The following KIAA0232 variants were observed in gnomAD, a reference collection of about 807,000 sequenced individuals.
KIAA0232 encodes the protein KIAA0232.
A neutral mutation model predicts 122.0 loss-of-function variants in KIAA0232; 27 were observed. The observed-to-expected ratio is 0.22, with a 90% CI of 0.16 to 0.31. The LOEUF is 0.31. KIAA0232 is among the 10% of genes least tolerant of loss of function. The pLI is 1.00. For synonymous variants in KIAA0232, 613 were observed against 587.6 expected, an observed-to-expected ratio of 1.04 and a Z score of -0.63; for missense variants, 1,551 against 1,634.2, an observed-to-expected ratio of 0.95 and a Z score of 0.88.
chr4:6,804,830 A>G lies in KIAA0232; in HGVS notation c.-270+224A>G, dbSNP rs548385550. 3.9e-5 allele frequency among the ~76,000 whole-genome samples: 6 copies of G among 152,356 alleles called. No individual in the cohort carries two copies. In the South Asian group the frequency reaches 6.2e-4, roughly 16 times the overall value. ...ATGAAAACCTCAGGTCAGGTGATCT[A>G]TGCCTTGCTTATATTAATAACTTGG... On this transcript the variant is annotated intron_variant, in intron 2 of 9. Transcript: ENST00000307659.
intron 3 of KIAA0232, among the ~76,000 whole-genome samples, chr4:6,835,604 C>G (rs1194648602): frequency 6.6e-6 from 1 of 152,204 alleles, no homozygotes; most frequent in Non-Finnish European, 1.5e-5. Flanking sequence ...TCTCCTAACG[C>G]TATCCCTCCC....
intron 4 of KIAA0232, among the ~76,000 whole-genome samples, chr4:6,854,107 A>G (rs1444321516): frequency 6.6e-6 from 1 of 152,216 alleles, no homozygotes; most frequent in Non-Finnish European, 1.5e-5. Context: ...AAATCATAGC[A>G]AAAATTAAAG....
At position 6,824,298 on chromosome 4, in the gene KIAA0232, T is replaced by G; in HGVS notation, c.-156T>G. Reference sequence around the variant, plus strand: ...ATTAGTCATGCCTGAAGAGGGAAAGTCTGTTTTAGGTGGCTGACTACCAGC... The same window carrying G: ...ATTAGTCATGCCTGAAGAGGGAAAGGCTGTTTTAGGTGGCTGACTACCAGC... On this transcript the variant is annotated 5_prime_UTR_variant, in exon 3 of 10. Coordinates refer to ENST00000307659, the MANE Select transcript of KIAA0232 (RefSeq NM_014743.3). 1.5e-6 allele frequency: 1 copy of G among 651,634 alleles called. No homozygotes were observed. Among genetic ancestry groups the G allele is most frequent in the Non-Finnish European group, 2.8e-6 (1 of 361,332 alleles). The allele number at this position is 651,634 out of a possible 1,614,324, so 40.4% of individuals were successfully genotyped here.
chr4:6,794,196 G>A (rs1354502353), intron 1 of KIAA0232, among the ~76,000 whole-genome samples: 1 of 152,222 alleles, frequency 6.6e-6, no homozygotes, highest in Non-Finnish European at 1.5e-5. Flanking sequence ...TCACTGTACA[G>A]TTCTGAGAAA....
chr4:6,788,913 T>G (rs1487219078), intron 1 of KIAA0232, among the ~76,000 whole-genome samples: 2 of 152,172 alleles, frequency 1.3e-5, no homozygotes, highest in African/African-American at 4.8e-5. Context: ...ATTATGACAG[T>G]GTTCACATAT....
intron 3 of KIAA0232, among the ~76,000 whole-genome samples, chr4:6,840,503 C>G (rs1719588008): frequency 6.6e-6 from 1 of 152,146 alleles, no homozygotes; most frequent in Non-Finnish European, 1.5e-5. Context: ...TTCCCAATCT[C>G]CCTTTTGATA....
chr4:6,857,322 A>G lies in KIAA0232; in HGVS notation c.436+92A>G, dbSNP rs920416876. The G allele has an allele frequency of 1.0e-5, 11 of 1,092,712 alleles. 1 individual carries two copies. In the South Asian group the frequency reaches 1.1e-4, roughly 11 times the overall value. The allele number at this position is 1,092,712 out of a possible 1,614,324, so 67.7% of individuals were successfully genotyped here. A position where few individuals can be genotyped will look rare whatever the true frequency, so the allele number is the denominator to read the frequency against. On this transcript the variant is annotated intron_variant, in intron 5 of 9. Coordinates refer to ENST00000307659, the MANE Select transcript of KIAA0232 (RefSeq NM_014743.3). Reference sequence around the variant, plus strand: ...AATCTTAGAATTGATCAGAAAAGAAAACAACCAGAACAAAGTCTTTGTGTC... The same window carrying G: ...AATCTTAGAATTGATCAGAAAAGAAGACAACCAGAACAAAGTCTTTGTGTC...
intron 8 of KIAA0232, among the ~76,000 whole-genome samples, chr4:6,875,217 C>CA (rs1479444781): frequency 2.6e-5 from 4 of 152,252 alleles, no homozygotes; most frequent in Non-Finnish European, 5.9e-5. Context: ...GTCATGGGTG[C>CA]AATGTGTGTG....
chr4:6,846,105 A>C (rs1719950910), intron 4 of KIAA0232, among the ~76,000 whole-genome samples: 1 of 151,896 alleles, frequency 6.6e-6, no homozygotes, highest in Admixed American at 6.5e-5. Flanking sequence ...TTATTTAAAA[A>C]AAAAAAGATT....
intron 2 of KIAA0232, among the ~76,000 whole-genome samples, chr4:6,815,212 GC>G (rs1215721117): frequency 2.0e-5 from 3 of 152,162 alleles, no homozygotes; most frequent in Non-Finnish European, 2.9e-5. Flanking sequence ...TCCTCATCAT[GC>G]CAGGTGAATA....
chr4:6,850,494 T>C (rs1393648246), intron 4 of KIAA0232, among the ~76,000 whole-genome samples: 1 of 152,210 alleles, frequency 6.6e-6, no homozygotes, highest in African/African-American at 2.4e-5. Context: ...GTAACTTCTT[T>C]TAGTTAAAAA....
rs369071966 is a variant in KIAA0232, at chr4:6,880,945, C to G, written c.4167C>G (p.Leu1389=). Reference sequence around the variant, plus strand: ...GGGTGGGCCCTAGTGAAGAGGAGCTCTTTTCTCGAACTCATCTCTAAACCT... The same window carrying G: ...GGGTGGGCCCTAGTGAAGAGGAGCTGTTTTCTCGAACTCATCTCTAAACCT... ...GEWVGPSEEE[L]FSRTHL Residue 1389 remains leucine (L), a synonymous_variant, in exon 10 of 10, where the codon CTC becomes CTG. Coordinates refer to ENST00000307659, the MANE Select transcript of KIAA0232 (RefSeq NM_014743.3). 61 of 1,567,006 alleles carry G rather than the reference C, an allele frequency of 3.9e-5. No homozygotes were observed. The highest frequency in any genetic ancestry group is 5.1e-5 in the Non-Finnish European group (59 of 1,155,906).
chr4:6,828,907 A>C (rs959524050), intron 3 of KIAA0232, among the ~76,000 whole-genome samples: 3 of 152,122 alleles, frequency 2.0e-5, no homozygotes, highest in African/African-American at 7.2e-5. Context: ...GCATTGATGA[A>C]ACTTTATTGT....
chr4:6,822,329 A>C (rs1366689015), intron 2 of KIAA0232, among the ~76,000 whole-genome samples: 1 of 152,228 alleles, frequency 6.6e-6, no homozygotes, highest in African/African-American at 2.4e-5. Flanking sequence ...TTAGTAACTT[A>C]GTCCTGCGGT....
intron 1 of KIAA0232, among the ~76,000 whole-genome samples, chr4:6,789,299 A>T: frequency 8.3e-6 from 1 of 120,726 alleles, no homozygotes; most frequent in South Asian, 2.7e-4. Context: ...CCCGAGACTG[A>T]GTTTTACTCT....
At chr4:6,864,587 A>G (rs1340893871) in intron 7 of KIAA0232, among the ~76,000 whole-genome samples, 3 of 151,842 alleles carry the variant, frequency 2.0e-5, no homozygotes, top group African/African-American at 7.3e-5. Flanking sequence ...AAAAATACAA[A>G]AATTACCCAG....
chr4:6,792,756 C>G (rs913904230), intron 1 of KIAA0232, among the ~76,000 whole-genome samples: 9 of 145,096 alleles, frequency 6.2e-5, no homozygotes, highest in African/African-American at 2.1e-4. Context: ...ATGGCATCAT[C>G]TTGGCTCACT....
At chr4:6,809,018 AC>A (rs1363890287) in intron 2 of KIAA0232, among the ~76,000 whole-genome samples, 2 of 152,260 alleles carry the variant, frequency 1.3e-5, no homozygotes, top group African/African-American at 4.8e-5. Context: ...GACAGCCAGC[AC>A]TCTATAAGTG....
At chr4:6,830,723 A>G (rs911109239) in intron 3 of KIAA0232, among the ~76,000 whole-genome samples, 1 of 151,786 alleles carries the variant, frequency 6.6e-6, no homozygotes, top group Non-Finnish European at 1.5e-5. Flanking sequence ...CTTTATTCTC[A>G]AGCTTCACCC....
Sources: allele counts gnomAD v4.1 joint callset (sites outside exome capture counted in the v4.1 genomes callset), GRCh38; gene constraint gnomAD v4.1.1; transcripts MANE v1.5; gene names NCBI Gene and HGNC (gene_info 2026-07-23, HGNC 2026-07-21).